Variants in DCAF8 observed in about 807,000 individuals in gnomAD.
The protein encoded by DCAF8 is DDB1- and CUL4-associated factor 8.
A neutral mutation model predicts 68.0 loss-of-function variants in DCAF8; 20 were observed. The observed-to-expected ratio is 0.29, with a 90% CI of 0.21 to 0.43. The LOEUF is 0.43. Ranked by LOEUF, DCAF8 falls within the 20% of genes least tolerant of loss-of-function variation. The pLI, the probability that DCAF8 is intolerant of heterozygous loss-of-function variation, is 1.00. For missense variants in DCAF8, 460 were observed against 771.0 expected (o/e 0.60, Z 4.78); for synonymous variants, 230 against 276.9 (o/e 0.83, Z 1.68).
intron 10 of DCAF8, among the ~76,000 whole-genome samples, chr1:160,223,728 T>C (rs1407731482): frequency 6.6e-6 from 1 of 152,046 alleles, no homozygotes; most frequent in Admixed American, 6.6e-5. Context: ...TGAAACCCCA[T>C]CTCCACAAAA....
Position 160,224,134 on chromosome 1 carries a change from C to G in DCAF8, c.1309+308G>C, listed in dbSNP as rs547366535. ...AGGACCACTGACTAAAGAGGGCTTT[C>G]CCTGACTCCCTAACAAGGCATTTGT... On this transcript the variant is annotated intron_variant, in intron 10 of 13. Transcript: ENST00000368074. Among the ~76,000 whole-genome samples the G allele has an allele frequency of 1.5e-4, 23 of 152,318 alleles. No homozygotes were observed. In the South Asian group the frequency reaches 4.6e-3, roughly 30 times the overall value.
At position 160,240,133 on chromosome 1, in the gene DCAF8, T is replaced by G; in HGVS notation, c.287A>C (p.His96Pro). 2 of 1,614,052 alleles carry G rather than the reference T, an allele frequency of 1.2e-6. No homozygotes were observed. Among genetic ancestry groups the G allele is most frequent in the Non-Finnish European group, 1.7e-6 (2 of 1,179,948 alleles). ...CTCTTCCTCTTCCTCTGAGCGGTCATGGACTCGATTTTCATCATTAATGGA... is the reference window on the plus strand; with the variant it reads ...CTCTTCCTCTTCCTCTGAGCGGTCAGGGACTCGATTTTCATCATTAATGGA... ...HYSINDENRV[H>P]DRSEEEEEEE... The change falls in exon 4 of 14, where the codon CAT becomes CCT. Residue 96 changes from histidine (H) to proline (P), a missense_variant. Around this residue, in one of 8 missense-constraint regions of DCAF8, gnomAD observed 156 missense variants for 181.4 expected, o/e 0.86. Coordinates refer to ENST00000368074, the MANE Select transcript of DCAF8 (RefSeq NM_015726.4).
intron 5 of DCAF8, 90 bp downstream of exon 5, chr1:160,238,517 G>T: frequency 7.2e-7 from 1 of 1,394,316 alleles, no homozygotes; most frequent in Non-Finnish European, 9.6e-7. Flanking sequence ...CACAACAAAT[G>T]TGACACAATG....
chr1:160,239,161 G>A, intron 4 of DCAF8: 1 of 1,063,246 alleles, frequency 9.4e-7, no homozygotes, highest in Non-Finnish European at 1.1e-6. Context: ...TAAATGGCTG[G>A]TACCAGTACA....
chr1:160,229,770 C>T (rs1655609449), intron 7 of DCAF8, among the ~76,000 whole-genome samples: 1 of 152,122 alleles, frequency 6.6e-6, no homozygotes, highest in African/African-American at 2.4e-5. Flanking sequence ...GCCTGCAATC[C>T]CAGCACTTTG....
intron 4 of DCAF8, chr1:160,238,955 A>T: frequency 1.6e-6 from 1 of 626,178 alleles, no homozygotes; most frequent in South Asian, 2.4e-5. Context: ...TTGATGTAAG[A>T]GAGCATTTCA....
intron 11 of DCAF8, chr1:160,220,390 C>A (rs942881539): frequency 5.9e-5 from 9 of 152,212 alleles, no homozygotes; most frequent in African/African-American, 2.2e-4. Flanking sequence ...CACAGGGGAA[C>A]AATTCCTTGG....
At chr1:160,227,596 G>A (rs1382410227) in intron 7 of DCAF8, among the ~76,000 whole-genome samples, 1 of 152,172 alleles carries the variant, frequency 6.6e-6, no homozygotes, top group Non-Finnish European at 1.5e-5. Flanking sequence ...TACATATGAT[G>A]CTAGAACGGA....
Position 160,239,938 on chromosome 1 carries a change from CGCTCCCGAAGGGCAGGGAGG to C in DCAF8, c.462_481del (p.Leu155GlyfsTer11). On this transcript the variant is annotated frameshift_variant, in exon 4 of 14. Transcript: ENST00000368074. LOFTEE classifies it high-confidence loss of function. Reference sequence around the variant, plus strand: ...AAAGCGGGCACTTGAACCCAGCTCCCGCTCCCGAAGGGCAGGGAGGGCTTGCCAGCGAGGTCGGGGTAGAG... The same window carrying C: ...AAAGCGGGCACTTGAACCCAGCTCCCGCTTGCCAGCGAGGTCGGGGTAGAG... 1 of 1,614,228 alleles carries C rather than the reference CGCTCCCGAAGGGCAGGGAGG, an allele frequency of 6.2e-7. No homozygotes were observed. Among genetic ancestry groups the C allele is most frequent in the Non-Finnish European group, 8.5e-7 (1 of 1,180,038 alleles).
At chr1:160,236,632 A>G (rs1394239731) in intron 6 of DCAF8, among the ~76,000 whole-genome samples, 1 of 152,186 alleles carries the variant, frequency 6.6e-6, no homozygotes, top group Non-Finnish European at 1.5e-5. Flanking sequence ...TGTTTTTTCT[A>G]TGATACCACA....
chr1:160,252,383 G>T (rs957811366), intron 2 of DCAF8, among the ~76,000 whole-genome samples: 1 of 152,186 alleles, frequency 6.6e-6, no homozygotes, highest in Non-Finnish European at 1.5e-5. Flanking sequence ...TAGCTTTTAA[G>T]ATGGGCTTTA....
At chr1:160,224,610 TG>T in intron 9 of DCAF8, 61 bp from the exon 10 acceptor site, 1 of 1,298,448 alleles carries the variant, frequency 7.7e-7, no homozygotes, top group Non-Finnish European at 1.1e-6. Context: ...GACCAGGAGG[TG>T]GGGGTTGGGG....
At chr1:160,253,915 A>C (rs1189111853) in intron 2 of DCAF8, among the ~76,000 whole-genome samples, 3 of 152,206 alleles carry the variant, frequency 2.0e-5, no homozygotes, top group Non-Finnish European at 2.9e-5. Flanking sequence ...AAAAGGCTGT[A>C]AGAGTCAGAA....
chr1:160,231,207 A>T (rs1427680860), intron 7 of DCAF8, 90 bp downstream of exon 7: 2 of 877,640 alleles, frequency 2.3e-6, no homozygotes, highest in Non-Finnish European at 3.6e-6. Context: ...ATTCCTATAA[A>T]ATTCGTAACT....
At chr1:160,237,932 C>G (rs1398642133) in intron 5 of DCAF8, among the ~76,000 whole-genome samples, 2 of 152,204 alleles carry the variant, frequency 1.3e-5, no homozygotes, top group Admixed American at 1.3e-4. Context: ...TTCCTTACAA[C>G]TGAAAATCAG....
chr1:160,239,156 GGCTGGTACCA>G, intron 4 of DCAF8: 1 of 1,054,666 alleles, frequency 9.5e-7, no homozygotes, highest in Non-Finnish European at 1.1e-6. Context: ...TAGGATAAAT[GGCTGGTACCA>G]GTACAGTAGA....
At chr1:160,235,025 T>C (rs1357592422) in intron 6 of DCAF8, among the ~76,000 whole-genome samples, 1 of 152,234 alleles carries the variant, frequency 6.6e-6, no homozygotes, top group African/African-American at 2.4e-5. Flanking sequence ...ATAATCAGCC[T>C]TCATGTTATA....
At chr1:160,226,869 G>A (rs1655493792) in intron 7 of DCAF8, among the ~76,000 whole-genome samples, 7 of 152,294 alleles carry the variant, frequency 4.6e-5, no homozygotes, top group African/African-American at 9.6e-5. Flanking sequence ...TTAAGTAGGT[G>A]TAAGTCTAGA....
At position 160,237,227 on chromosome 1, in the gene DCAF8, C is replaced by A; in HGVS notation, c.867G>T (p.Leu289Phe). The A allele has an allele frequency of 6.4e-7, 1 of 1,561,332 alleles. No homozygotes were observed. Among genetic ancestry groups the A allele is most frequent in the South Asian group, 1.2e-5 (1 of 84,446 alleles). ...VAQHKGASHK[L>F]ALEPDSPCTF... The stretch of plus-strand genomic sequence containing the variant: ...TACAGGGAGAGTCTGGTTCCAGTGC[C>A]AACTGAAGAAGAAAAAGGAAAAACA... Residue 289 changes from leucine to phenylalanine, a missense_variant and splice_region_variant, in exon 6 of 14, where the codon TTG (leucine) becomes TTT (phenylalanine). By Grantham distance (22) the Leu-to-Phe change is conservative. Transcript: ENST00000368074.
Sources: allele counts gnomAD v4.1 joint callset (sites outside exome capture counted in the v4.1 genomes callset), GRCh38; gene constraint gnomAD v4.1.1; regional missense constraint gnomAD v4.1.1; transcripts MANE v1.5; gene names NCBI Gene and HGNC (gene_info 2026-07-23, HGNC 2026-07-21).